SLC16A10: variants seen among roughly 807,000 people sequenced by gnomAD.
SLC16A10 encodes monocarboxylate transporter 10.
A neutral mutation model predicts 40.0 loss-of-function variants in SLC16A10; 27 were observed. The ratio of observed to expected loss-of-function variants is 0.67; its 90% confidence interval spans 0.50 to 0.93. The LOEUF (loss-of-function observed/expected upper bound fraction) is 0.93, where lower values mean the gene tolerates loss of function less well. SLC16A10 is among the 40% of genes least tolerant of loss of function. The pLI, the probability that SLC16A10 is intolerant of heterozygous loss-of-function variation, is 0.00. For synonymous variants in SLC16A10, 213 were observed against 249.8 expected (o/e 0.85, Z 1.39); for missense variants, 529 against 658.2 (o/e 0.80, Z 2.15).
intron 1 of SLC16A10, among the ~76,000 whole-genome samples, chr6:111,164,829 CT>C (rs1297169194): frequency 2.6e-5 from 4 of 152,132 alleles, no homozygotes; most frequent in African/African-American, 9.7e-5. Flanking sequence ...AGTATCTGAC[CT>C]GCATAATTTA....
intron 1 of SLC16A10, among the ~76,000 whole-genome samples, chr6:111,153,656 A>G (rs1169626081): frequency 6.6e-6 from 1 of 152,224 alleles, no homozygotes; most frequent in African/African-American, 2.4e-5. Flanking sequence ...AGAAGTTTCC[A>G]TTTAAATAGC....
intron 3 of SLC16A10, among the ~76,000 whole-genome samples, chr6:111,189,974 C>T (rs1252403439): frequency 1.3e-5 from 2 of 152,168 alleles, no homozygotes; most frequent in African/African-American, 4.8e-5. Flanking sequence ...AAAGTCTTAA[C>T]TCATTTCAGC....
chr6:111,088,883 C>A (rs2114418094), intron 1 of SLC16A10, among the ~76,000 whole-genome samples: 1 of 152,138 alleles, frequency 6.6e-6, no homozygotes, highest in Admixed American at 6.5e-5. Context: ...AAATCTAAGA[C>A]CTTCTGCATG....
intron 3 of SLC16A10, among the ~76,000 whole-genome samples, chr6:111,191,017 T>A (rs1275023956): frequency 1.3e-5 from 2 of 152,236 alleles, no homozygotes; most frequent in Non-Finnish European, 2.9e-5. Context: ...TTCTTTTTCT[T>A]CTTCCTTTTT....
intron 1 of SLC16A10, among the ~76,000 whole-genome samples, chr6:111,169,919 C>CTTTTTTTT (rs60561269): frequency 3.0e-5 from 4 of 135,108 alleles, no homozygotes; most frequent in Non-Finnish European, 4.7e-5. Context: ...TCTTTTCTTT[C>CTTTTTTTT]TTTTTTTTTT....
intron 1 of SLC16A10, among the ~76,000 whole-genome samples, chr6:111,121,637 A>G (rs2114475750): frequency 6.6e-6 from 1 of 152,284 alleles, no homozygotes; most frequent in East Asian, 1.9e-4. Context: ...TTCTATTTCC[A>G]TTACAGCTTG....
chr6:111,172,912 T>C, intron 2 of SLC16A10, 73 bp downstream of exon 2: 1 of 1,528,936 alleles, frequency 6.5e-7, no homozygotes, highest in South Asian at 1.3e-5. Flanking sequence ...TCAGAAACTA[T>C]GCTATTTACA....
At chr6:111,195,773 A>C (rs527320026) in intron 3 of SLC16A10, among the ~76,000 whole-genome samples, 35 of 152,294 alleles carry the variant, frequency 2.3e-4, no homozygotes, top group African/African-American at 8.4e-4. Context: ...TCTGATTCCC[A>C]GTCCAAAGAA....
At chr6:111,208,988 G>C (rs1030056541) in intron 4 of SLC16A10, among the ~76,000 whole-genome samples, 1 of 152,048 alleles carries the variant, frequency 6.6e-6, no homozygotes, top group Admixed American at 6.5e-5. Flanking sequence ...GATCACTTGA[G>C]GCCAGTTCGA....
chr6:111,179,335 A>G (rs1018034938), intron 3 of SLC16A10, among the ~76,000 whole-genome samples: 2 of 152,232 alleles, frequency 1.3e-5, no homozygotes, highest in Non-Finnish European at 2.9e-5. Context: ...TAAAATAAAT[A>G]TTAGCTCCAA....
chr6:111,187,227 T>C (rs923319513), intron 3 of SLC16A10, among the ~76,000 whole-genome samples: 2 of 152,200 alleles, frequency 1.3e-5, no homozygotes, highest in East Asian at 1.9e-4. Flanking sequence ...TTATCTCTCA[T>C]TGGAGTCTCA....
intron 1 of SLC16A10, among the ~76,000 whole-genome samples, chr6:111,137,213 A>T (rs1424880809): frequency 1.3e-5 from 2 of 152,210 alleles, no homozygotes; most frequent in African/African-American, 4.8e-5. Flanking sequence ...TAGAATGGGA[A>T]ACCTCATGAG....
intron 3 of SLC16A10, among the ~76,000 whole-genome samples, chr6:111,184,624 G>A (rs1436937400): frequency 6.6e-6 from 1 of 151,966 alleles, no homozygotes; most frequent in African/African-American, 2.4e-5. Context: ...TGGGATTACA[G>A]GTACCTGCCA....
intron 1 of SLC16A10, among the ~76,000 whole-genome samples, chr6:111,128,626 C>T (rs1471570942): frequency 6.6e-6 from 1 of 152,066 alleles, no homozygotes; most frequent in Non-Finnish European, 1.5e-5. Context: ...AAGTCGGATG[C>T]AGTAAGGAAG....
chr6:111,157,745 A>G (rs917942250), intron 1 of SLC16A10, among the ~76,000 whole-genome samples: 1 of 152,168 alleles, frequency 6.6e-6, no homozygotes, highest in African/African-American at 2.4e-5. Flanking sequence ...GTATAAAATA[A>G]ATATCTATGA....
intron 1 of SLC16A10, among the ~76,000 whole-genome samples, chr6:111,120,758 A>T (rs1771569189): frequency 6.6e-6 from 1 of 152,160 alleles, no homozygotes; most frequent in Admixed American, 6.5e-5. Context: ...TTGGTTATTA[A>T]TATTTGAGCA....
intron 1 of SLC16A10, among the ~76,000 whole-genome samples, chr6:111,151,898 G>T (rs1365997910): frequency 6.6e-6 from 1 of 152,024 alleles, no homozygotes; most frequent in Admixed American, 6.6e-5. Flanking sequence ...GCCCATCTGG[G>T]CTGGATACCC....
At chr6:111,174,470 T>C (rs1275035045) in intron 2 of SLC16A10, among the ~76,000 whole-genome samples, 1 of 152,060 alleles carries the variant, frequency 6.6e-6, no homozygotes, top group Admixed American at 6.6e-5. Context: ...TTAAAAATTA[T>C]ATTTATTTCT....
At chr6:111,198,540 A>G (rs1440889593) in intron 3 of SLC16A10, among the ~76,000 whole-genome samples, 1 of 152,190 alleles carries the variant, frequency 6.6e-6, no homozygotes, top group Non-Finnish European at 1.5e-5. Flanking sequence ...GGTAGAGCCT[A>G]TTGCTCCTAG....
Sources: allele counts gnomAD v4.1 joint callset (sites outside exome capture counted in the v4.1 genomes callset), GRCh38; gene constraint gnomAD v4.1.1; transcripts MANE v1.5; gene names NCBI Gene and HGNC (gene_info 2026-07-23, HGNC 2026-07-21).